Variants in SLC3A1 observed in about 807,000 individuals in gnomAD.
SLC3A1 encodes the protein solute carrier family 3 member 1.
SLC3A1 carries 78 observed loss-of-function variants against 60.3 expected under a neutral mutation model. The ratio of observed to expected loss-of-function variants is 1.29; its 90% confidence interval spans 1.08 to 1.56. The LOEUF is 1.56. Ranked by LOEUF, SLC3A1 falls within the 40% of genes most tolerant of loss-of-function variation. SLC3A1 has a pLI of 0.00. For missense variants in SLC3A1, 1,172 were observed against 858.9 expected (o/e 1.36, Z -4.56); for synonymous variants, 392 against 307.9 (o/e 1.27, Z -2.86).
intron 9 of SLC3A1, chr2:44,319,212 C>T (rs1672706939): frequency 6.6e-6 from 1 of 152,520 alleles, no homozygotes; most frequent in African/African-American, 2.4e-5. Flanking sequence ...CAATAACAAC[C>T]ACAATAACAA....
At chr2:44,302,646 G>A (rs539753526) in intron 6 of SLC3A1, among the ~76,000 whole-genome samples, 19 of 152,206 alleles carry the variant, frequency 1.2e-4, no homozygotes, top group Non-Finnish European at 2.6e-4. Flanking sequence ...AGGTGAATGT[G>A]TCTTCCCCCA....
chr2:44,281,154 C>A (rs1671489443), intron 2 of SLC3A1, among the ~76,000 whole-genome samples: 2 of 123,718 alleles, frequency 1.6e-5, no homozygotes, highest in Non-Finnish European at 1.6e-5. Context: ...CCTCTCCTTT[C>A]CCTGCTTTTT....
chr2:44,306,003 G>A (rs1251811292), intron 7 of SLC3A1, among the ~76,000 whole-genome samples: 2 of 152,142 alleles, frequency 1.3e-5, no homozygotes, highest in Non-Finnish European at 2.9e-5. Flanking sequence ...ACTGGTTAAG[G>A]GCAGAGGCAG....
chr2:44,300,688 C>CT (rs199523809), intron 5 of SLC3A1, among the ~76,000 whole-genome samples: 50 of 151,378 alleles, frequency 3.3e-4, no homozygotes, highest in South Asian at 6.3e-4. Flanking sequence ...CCACTAAGAT[C>CT]TTTTTTTTTG....
At chr2:44,304,909 C>A (rs1330443111) in intron 7 of SLC3A1, among the ~76,000 whole-genome samples, 1 of 148,810 alleles carries the variant, frequency 6.7e-6, no homozygotes, top group East Asian at 2.0e-4. Flanking sequence ...GCAGCCTCGA[C>A]CTCTGAGGCT....
intron 4 of SLC3A1, among the ~76,000 whole-genome samples, chr2:44,298,046 C>T (rs537535831): frequency 6.6e-6 from 1 of 152,124 alleles, no homozygotes; most frequent in Non-Finnish European, 1.5e-5. Context: ...TATTTGTGAA[C>T]AAGTTTTTGC....
intron 4 of SLC3A1, among the ~76,000 whole-genome samples, chr2:44,296,524 C>T (rs1671847348): frequency 6.6e-6 from 1 of 152,112 alleles, no homozygotes; most frequent in African/African-American, 2.4e-5. Context: ...ATTTGGGTCA[C>T]CTGTGCCCAT....
chr2:44,287,945 C>T (rs75881878), intron 4 of SLC3A1, among the ~76,000 whole-genome samples: 8,082 of 152,136 alleles, frequency 0.053, 718 homozygotes, highest in African/African-American at 0.18. Flanking sequence ...ATATAATTCA[C>T]ATACCATAAA....
In SLC3A1 at chr2:44,320,511, G is replaced by A. The variant is rs1206139623; in HGVS notation, c.1930G>A (p.Glu644Lys). The part of the protein sequence containing the change: ...DTSGIFLDKG[E>K]GLIFEHNTKN... ...AAGTGGCATTTTTCTGGACAAGGGAGAGGGACTCATCTTTGAACACAACAC... is the reference window on the plus strand; with the variant it reads ...AAGTGGCATTTTTCTGGACAAGGGAAAGGGACTCATCTTTGAACACAACAC... The change falls in exon 10 of 10, where the codon GAG becomes AAG. Residue 644 changes from glutamate to lysine, a missense_variant. Transcript: ENST00000260649. 2 of 1,614,156 alleles carry A rather than the reference G, an allele frequency of 1.2e-6. No individual in the cohort carries two copies. The highest frequency in any genetic ancestry group is 1.7e-5 in the Admixed American group (1 of 60,018).
chr2:44,321,454 A>C lies in SLC3A1; in HGVS notation c.*815A>C, dbSNP rs201080465. The C allele has an allele frequency of 4.1e-5, 66 of 1,609,438 alleles. No homozygotes were observed. The East Asian group carries it at 1.5e-3, about 36-fold the overall frequency. On this transcript the variant is annotated 3_prime_UTR_variant, in exon 10 of 10. Coordinates refer to ENST00000260649, the MANE Select transcript of SLC3A1 (RefSeq NM_000341.4). ...TTAATTTGGGCTGTAATCTAAAAGAAACACATTAAAAAAATTAAATAGAAG... is the reference window on the plus strand; with the variant it reads ...TTAATTTGGGCTGTAATCTAAAAGACACACATTAAAAAAATTAAATAGAAG...
chr2:44,312,030 A>G (rs960250401), intron 7 of SLC3A1, among the ~76,000 whole-genome samples: 17 of 152,338 alleles, frequency 1.1e-4, no homozygotes, highest in African/African-American at 4.1e-4. Context: ...TCTTATTTAA[A>G]CAAACTTATT....
intron 4 of SLC3A1, among the ~76,000 whole-genome samples, chr2:44,298,281 T>A (rs1353134352): frequency 6.6e-6 from 1 of 152,194 alleles, no homozygotes; most frequent in African/African-American, 2.4e-5. Flanking sequence ...ATCTTTCCTG[T>A]TAACTACAAA....
chr2:44,298,253 C>A (rs917335833), intron 4 of SLC3A1, among the ~76,000 whole-genome samples: 2 of 152,152 alleles, frequency 1.3e-5, no homozygotes, highest in Non-Finnish European at 2.9e-5. Context: ...TTTCCCATCA[C>A]CCTCACAAAA....
chr2:44,287,294 T>A (rs1449858589), intron 4 of SLC3A1, among the ~76,000 whole-genome samples: 1 of 151,962 alleles, frequency 6.6e-6, no homozygotes, highest in Non-Finnish European at 1.5e-5. Flanking sequence ...CTTCTTATGA[T>A]GAGATGCTGT....
At chr2:44,292,397 A>G (rs550059210) in intron 4 of SLC3A1, among the ~76,000 whole-genome samples, 3 of 152,106 alleles carry the variant, frequency 2.0e-5, no homozygotes, top group African/African-American at 7.2e-5. Context: ...CACCTCCTCT[A>G]TGCCAGGCAC....
At chr2:44,312,890 C>CTGTT (rs1672335281) in intron 8 of SLC3A1, 137 bp downstream of exon 8, 3 of 725,656 alleles carry the variant, frequency 4.1e-6, no homozygotes, top group African/African-American at 3.6e-5. Flanking sequence ...TTCTTTCTTA[C>CTGTT]TGTTAGTAAG....
In SLC3A1 at chr2:44,275,811, C is replaced by T. The variant is rs1671329757; in HGVS notation, c.276C>T (p.Leu92=). 4 of 1,614,146 alleles carry T rather than the reference C, an allele frequency of 2.5e-6. No individual in the cohort carries two copies. Among genetic ancestry groups the T allele is most frequent in the Non-Finnish European group, 3.4e-6 (4 of 1,180,054 alleles). Residue 92 remains leucine, a synonymous_variant, in exon 1 of 10, where the codon CTC becomes CTT. Transcript: ENST00000260649. ...TACCTCGGGAGATCCTCTTCTGGCT[C>T]ACAGTGGCTTCTGTGCTGGTGCTCA... ...YRIPREILFW[L]TVASVLVLIA...
chr2:44,300,631 T>C (rs923828338), intron 5 of SLC3A1, among the ~76,000 whole-genome samples: 1 of 152,200 alleles, frequency 6.6e-6, no homozygotes, highest in Non-Finnish European at 1.5e-5. Flanking sequence ...ATGATGTTAA[T>C]AGTTTTGTGA....
At chr2:44,322,134 C>T (rs944940193), downstream of SLC3A1, among the ~76,000 whole-genome samples, 11 of 152,120 alleles carry the variant, frequency 7.2e-5, no homozygotes, top group South Asian at 1.4e-3. Flanking sequence ...TGGTGCCACA[C>T]GGACAAGGTT....
Sources: gnomAD v4.1 joint callset for allele counts (sites outside exome capture counted in the v4.1 genomes callset) on GRCh38, gnomAD v4.1.1 for gene constraint, MANE v1.5 for transcripts, NCBI Gene and HGNC (gene_info 2026-07-23, HGNC 2026-07-21) for gene names.